LNX1: variants seen among roughly 807,000 people sequenced by gnomAD.
The protein encoded by LNX1 is E3 ubiquitin-protein ligase LNX.
LNX1 carries 54 observed loss-of-function variants against 68.4 expected under a neutral mutation model. The ratio of observed to expected loss-of-function variants is 0.79; its 90% CI spans 0.63 to 0.99. The LOEUF (loss-of-function observed/expected upper bound fraction) is 0.99. Ranked by LOEUF, LNX1 falls within the 50% of genes least tolerant of loss-of-function variation. The pLI, the probability that LNX1 is intolerant of heterozygous loss-of-function variation, is 0.00. For synonymous variants in LNX1, 336 were observed against 350.0 expected (o/e 0.96, Z 0.45); for missense variants, 906 against 926.4 (o/e 0.98, Z 0.29).
chr4:53,479,417 G>A (rs544604431), intron 7 of LNX1, among the ~76,000 whole-genome samples: 10 of 152,326 alleles, frequency 6.6e-5, no homozygotes, highest in African/African-American at 2.4e-4. Context: ...ATGTTTAGTT[G>A]TGCACTGAGG....
chr4:53,551,632 CAG>C (rs1729526183), intron 2 of LNX1, among the ~76,000 whole-genome samples: 1 of 152,184 alleles, frequency 6.6e-6, no homozygotes, highest in Non-Finnish European at 1.5e-5. Context: ...AGGGAAGAAT[CAG>C]GGGAGAAGAG....
chr4:53,637,300 G>A (rs1197561806), intron 1 of LNX1, among the ~76,000 whole-genome samples: 1 of 150,882 alleles, frequency 6.6e-6, no homozygotes, highest in East Asian at 1.9e-4. Flanking sequence ...TCTTTCCAAT[G>A]ACACAAGATT....
In LNX1 at chr4:53,527,018, G is replaced by A. The variant is rs1727657372; in HGVS notation, c.381-18791C>T. ...TACATAAGAGGCTAAATATATGCTG[G>A]ATCTAATAAGGTTTTAGACTCTTCC... On this transcript the variant is annotated intron_variant, in intron 2 of 10. Coordinates refer to ENST00000263925, the MANE Select transcript of LNX1 (RefSeq NM_001126328.3). Among the ~76,000 whole-genome samples, 3 of 137,202 alleles carry A rather than the reference G, an allele frequency of 2.2e-5. No individual in the cohort carries two copies. In the South Asian group the frequency reaches 7.0e-4, roughly 32 times the overall value. 90.0% of individuals were successfully genotyped at this position (137,202 alleles called of 152,430 possible).
rs74366481 is a variant in LNX1 at position 53,471,023 on chromosome 4, G to C, written c.1892+5730C>G. Among the ~76,000 whole-genome samples the C allele has an allele frequency of 1.2e-4, 11 of 91,184 alleles. 2 individuals are homozygous for C. Among genetic ancestry groups the C allele is most frequent in the Admixed American group, 6.1e-4 (5 of 8,222 alleles). The allele number at this position is 91,184 out of a possible 152,430, so 59.8% of individuals were successfully genotyped here. The stretch of plus-strand genomic sequence containing the variant: ...TTCATATGGAACCAAAAAAGAGCCC[G>C]CATTGCCAAGTCAATCCTAAGCCAA... On this transcript the variant is annotated intron_variant, in intron 9 of 10. Coordinates refer to ENST00000263925, the MANE Select transcript of LNX1 (RefSeq NM_001126328.3).
At chr4:53,566,752 C>A (rs1425279264) in intron 2 of LNX1, among the ~76,000 whole-genome samples, 2 of 150,474 alleles carry the variant, frequency 1.3e-5, no homozygotes, top group South Asian at 2.1e-4. Flanking sequence ...TTCAGGAAAC[C>A]CATCTCATGT....
intron 4 of LNX1, among the ~76,000 whole-genome samples, chr4:53,504,399 A>C (rs1725726016): frequency 6.6e-6 from 1 of 152,244 alleles, no homozygotes; most frequent in Non-Finnish European, 1.5e-5. Flanking sequence ...CAGCCTTCAC[A>C]GAATCAAAGA....
At chr4:53,466,532 G>A (rs1486661690) in intron 9 of LNX1, among the ~76,000 whole-genome samples, 3 of 152,166 alleles carry the variant, frequency 2.0e-5, no homozygotes, top group African/African-American at 7.2e-5. Context: ...GCCAAAGCAG[G>A]GCAAGGCGTC....
In LNX1 at chr4:53,506,086, C is replaced by T. The variant is rs73816893; in HGVS notation, c.775+1231G>A. Reference sequence around the variant, plus strand: ...ATACATACAGTGGTTTGGGTTCTGCCTCCCAACTCCCAAGAGTAGAGGGCA... The same window carrying T: ...ATACATACAGTGGTTTGGGTTCTGCTTCCCAACTCCCAAGAGTAGAGGGCA... On this transcript the variant is annotated intron_variant, in intron 4 of 10. Transcript: ENST00000263925. Among the ~76,000 whole-genome samples, 847 of 152,284 alleles carry T rather than the reference C, an allele frequency of 5.6e-3. 13 individuals are homozygous for T. Among genetic ancestry groups the T allele is most frequent in the African/African-American group, 0.019 (803 of 41,548 alleles).
chr4:53,613,773 G>T (rs917604633), intron 2 of LNX1, among the ~76,000 whole-genome samples: 4 of 152,162 alleles, frequency 2.6e-5, no homozygotes, highest in Non-Finnish European at 5.9e-5. Context: ...GAATATATGG[G>T]TGTATGTGTC....
In LNX1 at chr4:53,601,842, G is replaced by A. The variant is rs886077935; in HGVS notation, c.-214-10327C>T. 6.6e-4 allele frequency among the ~76,000 whole-genome samples: 100 copies of A among 152,238 alleles called. 1 individual carries two copies. Among genetic ancestry groups the A allele is most frequent in the Non-Finnish European group, 2.8e-4 (19 of 68,024 alleles). ...GCCAGGGGTCACTGCAGGTCACTCTGAAGCTGCCAGTCATCTCAAAGTCAA... is the reference window on the plus strand; with the variant it reads ...GCCAGGGGTCACTGCAGGTCACTCTAAAGCTGCCAGTCATCTCAAAGTCAA... On this transcript the variant is annotated intron_variant, in intron 2 of 3. Coordinates refer to the LNX1 transcript ENST00000504299.
At chr4:53,632,779 A>G (rs1378174706) in intron 1 of LNX1, among the ~76,000 whole-genome samples, 1 of 152,206 alleles carries the variant, frequency 6.6e-6, no homozygotes, top group Non-Finnish European at 1.5e-5. Flanking sequence ...AGAGGCCTCT[A>G]TGGACAACAG....
At chr4:53,559,051 T>C (rs17083038) in intron 2 of LNX1, among the ~76,000 whole-genome samples, 1,998 of 152,294 alleles carry the variant, frequency 0.013, 52 homozygotes, top group African/African-American at 0.045. Context: ...GACCAGAATC[T>C]TAATAGAAAT....
chr4:53,564,929 C>T (rs373802626), intron 2 of LNX1, among the ~76,000 whole-genome samples: 3 of 152,294 alleles, frequency 2.0e-5, no homozygotes, highest in African/African-American at 7.2e-5. Context: ...CCGAATACTG[C>T]GCTTTTCCGA....
At chr4:53,610,539 C>T (rs1268405578) in intron 2 of LNX1, among the ~76,000 whole-genome samples, 1 of 151,760 alleles carries the variant, frequency 6.6e-6, no homozygotes, top group African/African-American at 2.4e-5. Context: ...AACCCTGTCT[C>T]TACTAAAAAT....
rs772373954 is a variant in LNX1 at position 53,498,730 on chromosome 4, G to T, written c.889C>A (p.Pro297Thr). 6.2e-7 allele frequency: 1 copy of T among 1,614,014 alleles called. No homozygotes were observed. Among genetic ancestry groups the T allele is most frequent in the Non-Finnish European group, 8.5e-7 (1 of 1,179,906 alleles). The change falls in exon 5 of 11, where the codon CCA (proline) becomes ACA (threonine). Residue 297 changes from proline to threonine, a missense_variant. Transcript: ENST00000263925. ...SIRLVGGSET[P>T]LVHIIIQHIY... is the part of the protein sequence containing the mutation. ...TGTTGGATAATGATATGGACCAGTG[G>T]GGTTTCGCTACCTCCCACCAGCCTA...
chr4:53,478,553 T>G lies in LNX1; in HGVS notation c.1663+12A>C. ...GCCACCCCAGTGCCTTTAAAATCCC[T>G]TTACTTTTTACCTGTTTTTATTCTT... is the stretch of plus-strand genomic sequence containing the variant. On this transcript the variant is annotated intron_variant, in intron 8 of 10. Transcript: ENST00000263925. The G allele has an allele frequency of 1.2e-6, 2 of 1,600,514 alleles. No individual in the cohort carries two copies. Among genetic ancestry groups the G allele is most frequent in the Non-Finnish European group, 1.7e-6 (2 of 1,171,790 alleles).
intron 2 of LNX1, among the ~76,000 whole-genome samples, chr4:53,544,074 C>T (rs973921924): frequency 1.3e-5 from 2 of 152,208 alleles, no homozygotes; most frequent in Non-Finnish European, 2.9e-5. Context: ...TATTTTTGAA[C>T]CCTAGACACC....
intron 9 of LNX1, among the ~76,000 whole-genome samples, chr4:53,466,410 G>A (rs1485705371): frequency 3.3e-5 from 5 of 152,328 alleles, no homozygotes; most frequent in African/African-American, 1.2e-4. Context: ...AGCTCCCAGC[G>A]TGAGTGATGC....
At chr4:53,503,900 G>A (rs1204526359) in intron 4 of LNX1, among the ~76,000 whole-genome samples, 4 of 152,304 alleles carry the variant, frequency 2.6e-5, no homozygotes, top group Non-Finnish European at 5.9e-5. Context: ...TTGGGAGGCC[G>A]AGGCAGGCGG....
Sources: gnomAD v4.1 joint callset for allele counts (sites outside exome capture counted in the v4.1 genomes callset) on GRCh38, gnomAD v4.1.1 for gene constraint, MANE v1.5 for transcripts, NCBI Gene and HGNC (gene_info 2026-07-23, HGNC 2026-07-21) for gene names.